Variants in TASP1 observed in about 807,000 individuals in gnomAD.
TASP1 encodes taspase 1, also known as threonine aspartase 1.
In TASP1, 16 loss-of-function variants were observed where a neutral mutation model predicts 56.6. The ratio of observed to expected loss-of-function variants is 0.28; its 90% confidence interval spans 0.19 to 0.43. The LOEUF is 0.43. Among genes scored for constraint, TASP1 ranks in the 20% least tolerant of loss-of-function variants. TASP1 has a pLI of 1.00. For synonymous variants in TASP1, 179 were observed against 184.2 expected, an observed-to-expected ratio of 0.97 and a Z score of 0.23; for missense variants, 393 against 511.6, an observed-to-expected ratio of 0.77 and a Z score of 2.24.
chr20:13,359,319 C>A, the TASP1 span, among the ~76,000 whole-genome samples: 4 of 151,194 alleles, frequency 2.6e-5, no homozygotes, highest in Admixed American at 2.0e-4. Context: ...CTGTGTGGGA[C>A]CCCACTGAAA....
chr20:13,576,377 G>GAA lies in TASP1; in HGVS notation c.488+4518_488+4519dup, dbSNP rs763066631. Among the ~76,000 whole-genome samples, 642 of 71,280 alleles carry GAA rather than the reference G, an allele frequency of 9.0e-3. 8 individuals carry two copies. The highest frequency in any genetic ancestry group is 0.014 in the Non-Finnish European group (378 of 27,218). The allele number at this position is 71,280 out of a possible 152,430, so 46.8% of individuals were successfully genotyped here. A position where few individuals can be genotyped will look rare whatever the true frequency, so the allele number is the denominator to read the frequency against. ...AGAAAGAAAGAAAGAAAGAAAGAAA[G>GAA]AAAGAAAGAAAGAAAGAAAGTCAGT... is the stretch of plus-strand genomic sequence containing the variant. On this transcript the variant is annotated intron_variant, in intron 6 of 13. Coordinates refer to ENST00000337743, the MANE Select transcript of TASP1 (RefSeq NM_017714.3).
At chr20:13,513,754 G>A (rs2044425150) in intron 10 of TASP1, among the ~76,000 whole-genome samples, 1 of 152,086 alleles carries the variant, frequency 6.6e-6, no homozygotes, top group South Asian at 2.1e-4. Context: ...GGCACAGGCA[G>A]GGTTTAACTT....
At chr20:13,158,542 A>T in the TASP1 span, among the ~76,000 whole-genome samples, 1 of 152,206 alleles carries the variant, frequency 6.6e-6, no homozygotes, top group Admixed American at 6.5e-5. Flanking sequence ...CAATAAAAGC[A>T]CTTGACTTGT....
the TASP1 span, among the ~76,000 whole-genome samples, chr20:13,314,413 TA>T: frequency 6.6e-6 from 1 of 151,924 alleles, no homozygotes; most frequent in Non-Finnish European, 1.5e-5. Context: ...GGAGCAAAGA[TA>T]AGAATTACAT....
chr20:13,600,573 T>G (rs1479484546), intron 4 of TASP1: 1 of 152,154 alleles, frequency 6.6e-6, no homozygotes, highest in African/African-American at 2.4e-5. Context: ...AAATTGTTTT[T>G]GAAAAGGACC....
chr20:13,226,658 A>G, the TASP1 span, among the ~76,000 whole-genome samples: 1 of 152,122 alleles, frequency 6.6e-6, no homozygotes, highest in Non-Finnish European at 1.5e-5. Context: ...CATTTGTCTG[A>G]TAGTTGGTGC....
chr20:13,621,483 C>T (rs572848466), intron 4 of TASP1, among the ~76,000 whole-genome samples: 1 of 152,044 alleles, frequency 6.6e-6, no homozygotes, highest in South Asian at 2.1e-4. Flanking sequence ...GTGGGATGTA[C>T]TAAAGTCACT....
At chr20:13,407,598 T>C (rs1037824534) in intron 13 of TASP1, among the ~76,000 whole-genome samples, 2 of 152,202 alleles carry the variant, frequency 1.3e-5, no homozygotes, top group African/African-American at 4.8e-5. Context: ...TACCTAGAAA[T>C]GGAATTGCTG....
chr20:13,377,434 T>C, the TASP1 span, among the ~76,000 whole-genome samples: 304 of 152,366 alleles, frequency 2.0e-3, no homozygotes, highest in African/African-American at 6.8e-3. Context: ...AACTTGATCA[T>C]GGTGGATAAC....
chr20:13,303,542 C>A, the TASP1 span, among the ~76,000 whole-genome samples: 1 of 152,190 alleles, frequency 6.6e-6, no homozygotes, highest in Non-Finnish European at 1.5e-5. Context: ...AGGCACCTAA[C>A]CTTCCTACAT....
chr20:13,354,957 T>C, the TASP1 span, among the ~76,000 whole-genome samples: 3 of 152,084 alleles, frequency 2.0e-5, no homozygotes, highest in Non-Finnish European at 2.9e-5. Context: ...AGAAAGAGAA[T>C]CACAGTTCCC....
the TASP1 span, among the ~76,000 whole-genome samples, chr20:13,380,179 T>C: frequency 6.6e-6 from 1 of 152,258 alleles, no homozygotes; most frequent in Admixed American, 6.5e-5. Flanking sequence ...TTTCAGCCTT[T>C]TTGTGCTGGT....
the TASP1 span, chr20:13,299,367 G>C: frequency 6.2e-7 from 1 of 1,613,794 alleles, no homozygotes; most frequent in East Asian, 2.2e-5. This position sits in a 1 kb window ranked among gnomAD's most constrained non-coding sequence, Gnocchi z 5.8. Flanking sequence ...CAGGTATAAC[G>C]AGGCCCGGCC....
intron 8 of TASP1, among the ~76,000 whole-genome samples, chr20:13,557,183 G>A (rs923353559): frequency 1.3e-5 from 2 of 151,978 alleles, no homozygotes; most frequent in Non-Finnish European, 2.9e-5. Context: ...ATTCGTAATA[G>A]TAAAAAACTG....
the TASP1 span, among the ~76,000 whole-genome samples, chr20:13,285,216 A>G: frequency 3.3e-5 from 5 of 152,198 alleles, no homozygotes; most frequent in African/African-American, 1.2e-4. Context: ...GCTTGAGCCC[A>G]GGAATTCAGG....
At chr20:13,606,769 T>C (rs1293010914) in intron 4 of TASP1, among the ~76,000 whole-genome samples, 3 of 144,786 alleles carry the variant, frequency 2.1e-5, no homozygotes, top group African/African-American at 7.8e-5. Context: ...ATCACGCCAC[T>C]GCACTCCAGC....
intron 10 of TASP1, among the ~76,000 whole-genome samples, chr20:13,502,569 G>T (rs936205056): frequency 6.6e-6 from 1 of 152,158 alleles, no homozygotes; most frequent in African/African-American, 2.4e-5. Flanking sequence ...TCTGCTTAAA[G>T]CAAGGGAATG....
the TASP1 span, among the ~76,000 whole-genome samples, chr20:13,354,552 G>T: frequency 2.6e-5 from 4 of 152,206 alleles, no homozygotes; most frequent in East Asian, 1.9e-4. Flanking sequence ...GTGAGGGGAA[G>T]AAAAAAGACA....
At chr20:13,368,664 G>T in the TASP1 span, 1 of 152,250 alleles carries the variant, frequency 6.6e-6, no homozygotes, top group African/African-American at 2.4e-5. Context: ...GAAACAGTAG[G>T]GACCAGGGGA....
Sources: allele counts gnomAD v4.1 joint callset (sites outside exome capture counted in the v4.1 genomes callset), GRCh38; gene constraint gnomAD v4.1.1; non-coding constraint Gnocchi (gnomAD v3.1); transcripts MANE v1.5; gene names NCBI Gene and HGNC (gene_info 2026-07-23, HGNC 2026-07-21).